Variants in SLCO1B3 observed in about 807,000 individuals in gnomAD.
SLCO1B3 encodes liver-specific organic anion transporter 2.
In SLCO1B3, 72 loss-of-function variants were observed where a neutral mutation model predicts 71.8. The observed-to-expected ratio is 1.00, with a 90% CI of 0.83 to 1.22. The LOEUF (loss-of-function observed/expected upper bound fraction) is 1.22, where lower values mean the gene tolerates loss of function less well. SLCO1B3 is among the 50% of genes most tolerant of loss of function. The pLI is 0.00. For synonymous variants in SLCO1B3, 298 were observed against 278.4 expected, an observed-to-expected ratio of 1.07 and a Z score of -0.70; for missense variants, 911 against 819.7, an observed-to-expected ratio of 1.11 and a Z score of -1.36.
chr12:20,882,671 T>C (rs931031542), intron 12 of SLCO1B3, among the ~76,000 whole-genome samples: 1 of 152,200 alleles, frequency 6.6e-6, no homozygotes, highest in Non-Finnish European at 1.5e-5. Flanking sequence ...CCCAAAGTGC[T>C]GGGATTACAG....
intron 8 of SLCO1B3, among the ~76,000 whole-genome samples, chr12:20,871,821 G>A (rs187434585): frequency 3.9e-4 from 59 of 152,170 alleles, no homozygotes; most frequent in African/African-American, 1.3e-3. Flanking sequence ...ACTGTCCTGG[G>A]TAAGACCTGA....
chr12:20,886,556 A>G (rs948435415), intron 13 of SLCO1B3, among the ~76,000 whole-genome samples: 1 of 152,060 alleles, frequency 6.6e-6, no homozygotes, highest in Non-Finnish European at 1.5e-5. Flanking sequence ...TATATGAAGA[A>G]GCAGTGAATA....
chr12:20,859,498 T>C (rs1412659202), intron 5 of SLCO1B3, among the ~76,000 whole-genome samples: 112 of 128,470 alleles, frequency 8.7e-4, no homozygotes, highest in Middle Eastern at 4.1e-3. Flanking sequence ...TTTCCCCCTC[T>C]ACATTTGGCC....
In SLCO1B3 at chr12:20,815,796, A is replaced by T; in HGVS notation, c.58A>T (p.Lys20Ter). 1 of 1,597,736 alleles carries T rather than the reference A, an allele frequency of 6.3e-7. No individual in the cohort carries two copies. The highest frequency in any genetic ancestry group is 8.5e-7 in the Non-Finnish European group (1 of 1,170,996). Residue 20 changes from lysine (K) to a stop codon, truncating the protein, a stop_gained, in exon 3 of 16, where the codon AAA becomes TAA. Transcript: ENST00000381545. LOFTEE classifies it high-confidence loss of function. ...TAESASSEKKKTRRCNGFKMF... is the reference protein window; with the variant it reads ...TAESASSEKK ...AGAGTCAGCATCTTCAGAGAAAAAG[A>T]AAACAAGACGCTGCAATGGATTCAA...
At chr12:20,893,798 C>T (rs150606656) in intron 13 of SLCO1B3, among the ~76,000 whole-genome samples, 255 of 152,206 alleles carry the variant, frequency 1.7e-3, no homozygotes, top group Non-Finnish European at 3.2e-3. Context: ...CCTTGGTACC[C>T]AGACAGGATC....
intron 8 of SLCO1B3, among the ~76,000 whole-genome samples, chr12:20,868,293 G>T (rs1020545306): frequency 1.3e-5 from 2 of 152,236 alleles, no homozygotes; most frequent in East Asian, 3.9e-4. Flanking sequence ...TTAAGTTTTT[G>T]GGGAACCAAA....
At chr12:20,844,392 C>T (rs116900182) in intron 3 of SLCO1B3, among the ~76,000 whole-genome samples, 1 of 151,762 alleles carries the variant, frequency 6.6e-6, no homozygotes, top group East Asian at 2.0e-4. Context: ...GGTTGTGAAA[C>T]CCCCTCTCTA....
intron 8 of SLCO1B3, 122 bp from the exon 9 acceptor site, chr12:20,875,113 G>A: frequency 1.6e-6 from 2 of 1,220,622 alleles, no homozygotes; most frequent in Non-Finnish European, 2.4e-6. Context: ...TTTTAGAATT[G>A]AAAGTAAACA....
At chr12:20,902,637 A>C (rs1173841091) in intron 15 of SLCO1B3, among the ~76,000 whole-genome samples, 1 of 152,194 alleles carries the variant, frequency 6.6e-6, no homozygotes, top group Non-Finnish European at 1.5e-5. Flanking sequence ...GAACAAGAAC[A>C]GATAATAAAA....
At chr12:20,915,292 G>T (rs1312644340) in intron 15 of SLCO1B3, among the ~76,000 whole-genome samples, 1 of 151,844 alleles carries the variant, frequency 6.6e-6, no homozygotes, top group Non-Finnish European at 1.5e-5. Context: ...TATCATTTCT[G>T]TTACAGTTTT....
chr12:20,849,995 G>A (rs11612843), intron 3 of SLCO1B3, among the ~76,000 whole-genome samples: 107,806 of 148,466 alleles, frequency 0.73, 41,595 homozygotes, highest in South Asian at 0.9. Flanking sequence ...AGATTTCTCT[G>A]CAGATTTACC....
At chr12:20,843,608 G>A (rs1051755830) in intron 3 of SLCO1B3, among the ~76,000 whole-genome samples, 72 of 151,858 alleles carry the variant, frequency 4.7e-4, no homozygotes, top group Admixed American at 7.2e-4. Context: ...GTGAAACCCC[G>A]TCTCTACTAA....
intron 3 of SLCO1B3, among the ~76,000 whole-genome samples, chr12:20,822,039 C>T (rs559189627): frequency 6.4e-4 from 98 of 152,204 alleles, no homozygotes; most frequent in Admixed American, 1.0e-3. Context: ...GGCCGCTTAC[C>T]GGATTTGAAA....
chr12:20,826,239 T>TC (rs397822816), intron 3 of SLCO1B3, among the ~76,000 whole-genome samples: 1 of 151,814 alleles, frequency 6.6e-6, no homozygotes, highest in Non-Finnish European at 1.5e-5. Flanking sequence ...ACTTTTTTTT[T>TC]ATAATGTCAG....
At chr12:20,884,488 G>C (rs1865753930) in intron 13 of SLCO1B3, among the ~76,000 whole-genome samples, 1 of 152,106 alleles carries the variant, frequency 6.6e-6, no homozygotes, top group South Asian at 2.1e-4. Context: ...AGACAGGAAA[G>C]AGCTAGAATT....
chr12:20,814,028 A>G lies in SLCO1B3; in HGVS notation c.-66+390A>G, dbSNP rs76036462. Among the ~76,000 whole-genome samples, 1,109 of 152,294 alleles carry G rather than the reference A, an allele frequency of 7.3e-3. 13 individuals carry two copies. Among genetic ancestry groups the G allele is most frequent in the African/African-American group, 0.026 (1,067 of 41,566 alleles). On this transcript the variant is annotated intron_variant, in intron 2 of 15. Coordinates refer to ENST00000381545, the MANE Select transcript of SLCO1B3 (RefSeq NM_019844.4). ...ATATTTACATATCTAAGGTATCTATATGAGCAGCTACATAGCAAGTATCTA... is the reference window on the plus strand; with the variant it reads ...ATATTTACATATCTAAGGTATCTATGTGAGCAGCTACATAGCAAGTATCTA...
rs1319966632 is a variant in SLCO1B3 at position 20,815,881 on chromosome 12, G to T, written c.84+59G>T. 5 of 1,061,706 alleles carry T rather than the reference G, an allele frequency of 4.7e-6. No homozygotes were observed. The Admixed American group carries it at 6.8e-5, about 14-fold the overall frequency. 65.8% of individuals were successfully genotyped at this position (1,061,706 alleles called of 1,614,324 possible). On this transcript the variant is annotated intron_variant, in intron 3 of 15. Coordinates refer to ENST00000381545, the MANE Select transcript of SLCO1B3 (RefSeq NM_019844.4). ...AGTTAATGGAAAATTTTTATGTATA[G>T]AAAGGCCACTAACTGTCAAAAAGAA...
At chr12:20,883,937 A>T (rs1865744279) in intron 13 of SLCO1B3, among the ~76,000 whole-genome samples, 2 of 152,214 alleles carry the variant, frequency 1.3e-5, no homozygotes, top group African/African-American at 4.8e-5. Context: ...CTAATGAGCC[A>T]GTTAAGAGTA....
At chr12:20,882,298 A>G (rs980952946) in intron 12 of SLCO1B3, among the ~76,000 whole-genome samples, 2 of 152,216 alleles carry the variant, frequency 1.3e-5, no homozygotes, top group Admixed American at 1.3e-4. Context: ...GTTGGGTTTC[A>G]TTGGCCAATG....
Sources: gnomAD v4.1 joint callset for allele counts (sites outside exome capture counted in the v4.1 genomes callset) on GRCh38, gnomAD v4.1.1 for gene constraint, MANE v1.5 for transcripts, NCBI Gene and HGNC (gene_info 2026-07-23, HGNC 2026-07-21) for gene names.